Variants in TMEM132B observed in about 807,000 individuals in gnomAD.
The protein encoded by TMEM132B is transmembrane protein 132B.
A neutral mutation model predicts 90.8 loss-of-function variants in TMEM132B; 18 were observed. The ratio of observed to expected loss-of-function variants is 0.20; its 90% confidence interval spans 0.14 to 0.29. TMEM132B has a LOEUF of 0.29. Among genes scored for constraint, TMEM132B ranks in the 10% least tolerant of loss-of-function variants. The pLI is 1.00. For missense variants in TMEM132B, 1,096 were observed against 1,326.8 expected, an observed-to-expected ratio of 0.83 and a Z score of 2.70; for synonymous variants, 504 against 523.3, an observed-to-expected ratio of 0.96 and a Z score of 0.50.
chr12:125,617,606 A>G (rs1415948287), intron 5 of TMEM132B, among the ~76,000 whole-genome samples: 1 of 152,074 alleles, frequency 6.6e-6, no homozygotes, highest in Admixed American at 6.5e-5. Context: ...CGGCCTCCCA[A>G]AGTGCTGGGA....
intron 5 of TMEM132B, among the ~76,000 whole-genome samples, chr12:125,594,165 G>A (rs1420291350): frequency 6.6e-6 from 1 of 152,144 alleles, no homozygotes; most frequent in African/African-American, 2.4e-5. Flanking sequence ...TATGCTCCCT[G>A]TCTTTCCTTA....
In TMEM132B at chr12:125,589,456, C is replaced by T. The variant is rs377346772; in HGVS notation, c.1437+5462C>T. On this transcript the variant is annotated intron_variant, in intron 5 of 8. Transcript: ENST00000682704. ...AAGATTGCGCCACTGCACCCCAGCCCGGGTGACAGAGCGAGACTCCGTCTC... is the reference window on the plus strand; with the variant it reads ...AAGATTGCGCCACTGCACCCCAGCCTGGGTGACAGAGCGAGACTCCGTCTC... Among the ~76,000 whole-genome samples the T allele has an allele frequency of 2.0e-4, 28 of 142,642 alleles. No homozygotes were observed. In the South Asian group the frequency reaches 2.5e-3, roughly 13 times the overall value. The allele number at this position is 142,642 out of a possible 152,430, so 93.6% of individuals were successfully genotyped here. A position where few individuals can be genotyped will look rare whatever the true frequency, so the allele number is the denominator to read the frequency against.
chr12:125,388,877 AT>A (rs759693208), intron 2 of TMEM132B, among the ~76,000 whole-genome samples: 87 of 152,136 alleles, frequency 5.7e-4, no homozygotes, highest in Non-Finnish European at 5.9e-5. Flanking sequence ...ACTTCATTGC[AT>A]TTTATCCTCA....
intron 2 of TMEM132B, among the ~76,000 whole-genome samples, chr12:125,401,608 G>A (rs572114921): frequency 6.6e-6 from 1 of 152,266 alleles, no homozygotes; most frequent in Non-Finnish European, 1.5e-5. Flanking sequence ...GGAATGTGCT[G>A]TTTTAGGAAC....
intron 1 of TMEM132B, among the ~76,000 whole-genome samples, chr12:125,200,213 C>G (rs534302024): frequency 6.6e-6 from 1 of 152,230 alleles, no homozygotes. Context: ...AAAATAAAAG[C>G]AATTTGCTGA....
chr12:125,318,062 C>T (rs185533067), intron 1 of TMEM132B, among the ~76,000 whole-genome samples: 11 of 152,222 alleles, frequency 7.2e-5, no homozygotes, highest in Admixed American at 2.6e-4. Flanking sequence ...ATGTAATTTT[C>T]GTAGACATAA....
intron 1 of TMEM132B, among the ~76,000 whole-genome samples, chr12:125,305,479 A>T (rs1875935073): frequency 6.6e-6 from 1 of 152,136 alleles, no homozygotes; most frequent in Non-Finnish European, 1.5e-5. Context: ...TAATGATCTA[A>T]GAAGTCCTGG....
chr12:125,404,698 A>G (rs1399354321), intron 2 of TMEM132B, among the ~76,000 whole-genome samples: 1 of 152,196 alleles, frequency 6.6e-6, no homozygotes, highest in Non-Finnish European at 1.5e-5. Context: ...ATGGTTATCC[A>G]AGGCCTCACA....
At chr12:125,470,283 A>G (rs1881677102) in intron 3 of TMEM132B, among the ~76,000 whole-genome samples, 1 of 152,196 alleles carries the variant, frequency 6.6e-6, no homozygotes, top group Non-Finnish European at 1.5e-5. Flanking sequence ...AACTGCAGAC[A>G]GTGGGGATTC....
intron 1 of TMEM132B, among the ~76,000 whole-genome samples, chr12:125,192,032 C>T (rs1009620977): frequency 3.3e-5 from 5 of 152,194 alleles, no homozygotes; most frequent in South Asian, 2.1e-4. Context: ...ATTGGGGACA[C>T]GTGCTGCAGC....
At chr12:125,440,093 C>A (rs552928046) in intron 3 of TMEM132B, among the ~76,000 whole-genome samples, 1 of 152,156 alleles carries the variant, frequency 6.6e-6, no homozygotes, top group South Asian at 2.1e-4. Context: ...AGGATTTTTG[C>A]AAAAATCCTT....
intron 4 of TMEM132B, among the ~76,000 whole-genome samples, chr12:125,549,952 C>T (rs561339035): frequency 6.6e-6 from 1 of 152,212 alleles, no homozygotes; most frequent in Admixed American, 6.5e-5. Flanking sequence ...ATCCTTCTCT[C>T]CCTGCTTTGT....
chr12:125,307,813 A>ATTACCAGTATAT (rs1204474958), intron 1 of TMEM132B, among the ~76,000 whole-genome samples: 1 of 22,084 alleles, frequency 4.5e-5, no homozygotes, highest in African/African-American at 1.6e-4. Context: ...ATATACTTAT[A>ATTACCAGTATAT]ATACTTATAA....
chr12:125,247,091 G>A (rs925570538), intron 1 of TMEM132B, among the ~76,000 whole-genome samples: 2 of 152,146 alleles, frequency 1.3e-5, no homozygotes, highest in East Asian at 1.9e-4. Context: ...CAGTAATGAC[G>A]CACTCACTAC....
intron 4 of TMEM132B, among the ~76,000 whole-genome samples, chr12:125,571,078 A>G (rs1678931703): frequency 6.6e-6 from 1 of 152,226 alleles, no homozygotes; most frequent in South Asian, 2.1e-4. Flanking sequence ...GCTATCTTTT[A>G]GGCTGAAAGC....
rs2136043194 is a variant in TMEM132B, at chr12:125,186,631, A to T, written c.-169A>T. 6.8e-6 allele frequency among the ~76,000 whole-genome samples: 1 copy of T among 146,740 alleles called. No homozygotes were observed. The highest frequency in any genetic ancestry group is 6.8e-5 in the Admixed American group (1 of 14,790). On this transcript the variant is annotated 5_prime_UTR_variant, in exon 1 of 9. Transcript: ENST00000682704. This position sits in a 1 kb window ranked among gnomAD's most constrained non-coding sequence, Gnocchi z 6.3. Reference sequence around the variant, plus strand: ...AGGAGAGCGCGCAGAGGCGCAGCCGAGGAAGCGCCGCCAGCGCCGGCGCAT... The same window carrying T: ...AGGAGAGCGCGCAGAGGCGCAGCCGTGGAAGCGCCGCCAGCGCCGGCGCAT...
At chr12:125,465,560 A>T (rs545071755) in intron 3 of TMEM132B, among the ~76,000 whole-genome samples, 1 of 152,206 alleles carries the variant, frequency 6.6e-6, no homozygotes, top group African/African-American at 2.4e-5. Flanking sequence ...GGTTTACATT[A>T]TTGCAGGCAA....
rs1883245363 is a variant in TMEM132B, at chr12:125,519,303, A to G, written c.1107-136A>G. Reference sequence around the variant, plus strand: ...GGCAGCTGTGAATTAGGCTCCGACAACACTGCCGTGTGAGTTGTTGAACTT... The same window carrying G: ...GGCAGCTGTGAATTAGGCTCCGACAGCACTGCCGTGTGAGTTGTTGAACTT... On this transcript the variant is annotated intron_variant, in intron 3 of 8. Transcript: ENST00000682704. 6 of 888,446 alleles carry G rather than the reference A, an allele frequency of 6.8e-6. No individual in the cohort carries two copies. The African/African-American group carries it at 8.4e-5, about 12-fold the overall frequency. 55.0% of individuals were successfully genotyped at this position (888,446 alleles called of 1,614,324 possible). A position where few individuals can be genotyped will look rare whatever the true frequency, so the allele number is the denominator to read the frequency against.
At chr12:125,565,293 T>A (rs1171907475) in intron 4 of TMEM132B, among the ~76,000 whole-genome samples, 5 of 152,184 alleles carry the variant, frequency 3.3e-5, no homozygotes, top group Non-Finnish European at 7.3e-5. Flanking sequence ...CTGCCATGCA[T>A]GCTCAAACCC....
Sources: gnomAD v4.1 joint callset for allele counts (sites outside exome capture counted in the v4.1 genomes callset) on GRCh38, gnomAD v4.1.1 for gene constraint, Gnocchi (gnomAD v3.1) non-coding constraint, MANE v1.5 for transcripts, NCBI Gene and HGNC (gene_info 2026-07-23, HGNC 2026-07-21) for gene names.